Variants in NRXN1 observed in about 807,000 individuals in gnomAD.
NRXN1 encodes the protein neurexin 1.
In NRXN1, 39 loss-of-function variants were observed where a neutral mutation model predicts 150.9. The observed-to-expected ratio is 0.26, with a 90% confidence interval of 0.20 to 0.34. The LOEUF is 0.34. Ranked by LOEUF, NRXN1 falls within the 10% of genes least tolerant of loss-of-function variation. The pLI is 1.00. For synonymous variants in NRXN1, 924 were observed against 757.0 expected (o/e 1.22, Z -3.62); for missense variants, 1,815 against 1,949.9 (o/e 0.93, Z 1.30).
At chr2:50,246,499 AT>A (rs1438306938) in intron 17 of NRXN1, among the ~76,000 whole-genome samples, 2 of 152,068 alleles carry the variant, frequency 1.3e-5, no homozygotes, top group Non-Finnish European at 2.9e-5. Flanking sequence ...AGTTCTACTC[AT>A]TTATCTTCTT....
chr2:50,247,453 C>T (rs997212516), intron 17 of NRXN1, among the ~76,000 whole-genome samples: 1 of 152,136 alleles, frequency 6.6e-6, no homozygotes, highest in Non-Finnish European at 1.5e-5. Context: ...GCTAGCATCA[C>T]CAGTAATGAG....
At chr2:50,847,658 T>G (rs1490412803) in intron 5 of NRXN1, among the ~76,000 whole-genome samples, 1 of 151,940 alleles carries the variant, frequency 6.6e-6, no homozygotes, top group African/African-American at 2.4e-5. Context: ...CTGGATACCC[T>G]GAGGAGCACA....
intron 19 of NRXN1, among the ~76,000 whole-genome samples, chr2:50,073,385 A>C (rs1696590275): frequency 6.6e-6 from 1 of 152,186 alleles, no homozygotes; most frequent in South Asian, 2.1e-4. Context: ...TACTGAATTC[A>C]CTGGGATTAC....
chr2:50,526,109 C>T (rs12713104), intron 12 of NRXN1, among the ~76,000 whole-genome samples: 131,815 of 152,234 alleles, frequency 0.87, 57,520 homozygotes, highest in African/African-American at 0.97. Context: ...GTAAACTTGG[C>T]GGTGGGGTAG....
At chr2:49,960,731 C>G (rs1396794344) in intron 21 of NRXN1, among the ~76,000 whole-genome samples, 2 of 152,162 alleles carry the variant, frequency 1.3e-5, no homozygotes, top group Non-Finnish European at 2.9e-5. Context: ...GCACTGCCAA[C>G]AAAAAGACAT....
intron 21 of NRXN1, among the ~76,000 whole-genome samples, chr2:50,016,174 C>A (rs1686554536): frequency 6.6e-6 from 1 of 151,910 alleles, no homozygotes; most frequent in Non-Finnish European, 1.5e-5. Context: ...TAGGTAAAGT[C>A]CTACCTAGAC....
At chr2:51,030,879 CTTT>C (rs61452371) in intron 1 of NRXN1, among the ~76,000 whole-genome samples, 1 of 147,020 alleles carries the variant, frequency 6.8e-6, no homozygotes, top group Non-Finnish European at 1.5e-5. Flanking sequence ...GTTAGAAAAC[CTTT>C]TTTTTTTTCT....
At chr2:50,524,281 C>G (rs922430997) in intron 12 of NRXN1, among the ~76,000 whole-genome samples, 4 of 151,948 alleles carry the variant, frequency 2.6e-5, no homozygotes, top group South Asian at 2.1e-4. Flanking sequence ...GAGTTCGAGA[C>G]GAGCCCGGCC....
At chr2:50,988,868 G>A (rs1698114645) in intron 2 of NRXN1, among the ~76,000 whole-genome samples, 1 of 151,892 alleles carries the variant, frequency 6.6e-6, no homozygotes, top group South Asian at 2.1e-4. Flanking sequence ...AATAACAACA[G>A]TATCTACTCT....
intron 2 of NRXN1, among the ~76,000 whole-genome samples, chr2:50,984,221 G>A (rs1271421111): frequency 6.9e-6 from 1 of 143,980 alleles, no homozygotes; most frequent in African/African-American, 2.6e-5. Context: ...CTGACCTCAG[G>A]TGATCCACCC....
At chr2:50,950,133 CT>C (rs1691067714) in intron 2 of NRXN1, among the ~76,000 whole-genome samples, 3 of 152,220 alleles carry the variant, frequency 2.0e-5, no homozygotes, top group Middle Eastern at 3.4e-3. Context: ...CCACTTGTTT[CT>C]TTTTTTCCAT....
At chr2:50,153,888 G>A (rs575180267) in intron 18 of NRXN1, among the ~76,000 whole-genome samples, 41 of 151,730 alleles carry the variant, frequency 2.7e-4, no homozygotes, top group Non-Finnish European at 4.9e-4. Flanking sequence ...CAGGTCTCTG[G>A]TATTTGACAC....
Position 50,615,684 on chromosome 2 carries a change from A to C in NRXN1, c.1320+4338T>G, listed in dbSNP as rs78550106. 3.0e-3 allele frequency: 464 copies of C among 152,272 alleles called. 3 individuals carry two copies. Among genetic ancestry groups the C allele is most frequent in the African/African-American group, 0.011 (440 of 41,560 alleles). 9.4% of individuals were successfully genotyped at this position (152,272 alleles called of 1,614,324 possible). On this transcript the variant is annotated intron_variant, in intron 8 of 22. Coordinates refer to ENST00000401669, the MANE Select transcript of NRXN1 (RefSeq NM_001330078.2). ...AAATATATCTAGTGAGCACCTGAAGAATTAACTGTAAGACTTTTCTACAGG... is the reference window on the plus strand; with the variant it reads ...AAATATATCTAGTGAGCACCTGAAGCATTAACTGTAAGACTTTTCTACAGG...
At chr2:50,235,342 A>G (rs2065317752) in intron 18 of NRXN1, among the ~76,000 whole-genome samples, 1 of 152,164 alleles carries the variant, frequency 6.6e-6, no homozygotes, top group East Asian at 1.9e-4. Context: ...ATTTGCTAAA[A>G]GGCACCTGAA....
intron 5 of NRXN1, among the ~76,000 whole-genome samples, chr2:50,657,239 C>G (rs953588296): frequency 5.3e-5 from 8 of 151,946 alleles, no homozygotes; most frequent in African/African-American, 1.9e-4. Flanking sequence ...CCAGACAGTT[C>G]CCTGGATTTT....
At chr2:50,882,931 T>C (rs1202312530) in intron 5 of NRXN1, among the ~76,000 whole-genome samples, 4 of 151,866 alleles carry the variant, frequency 2.6e-5, no homozygotes, top group Non-Finnish European at 5.9e-5. Context: ...AGAAAACATA[T>C]ATATTTTTAT....
intron 21 of NRXN1, 86 bp downstream of exon 21, chr2:50,053,185 C>T: frequency 7.2e-7 from 1 of 1,391,270 alleles, no homozygotes; most frequent in South Asian, 1.2e-5. Flanking sequence ...AAAAATGTTC[C>T]AATTTAGAAA....
At chr2:50,580,283 T>C (rs1271257907) in intron 8 of NRXN1, among the ~76,000 whole-genome samples, 6 of 152,322 alleles carry the variant, frequency 3.9e-5, no homozygotes, top group Non-Finnish European at 7.3e-5. Flanking sequence ...CCGTTGTTTA[T>C]TGCAAGCATC....
At chr2:50,620,447 G>A (rs185250745) in intron 7 of NRXN1, among the ~76,000 whole-genome samples, 2 of 152,218 alleles carry the variant, frequency 1.3e-5, no homozygotes, top group African/African-American at 4.8e-5. Flanking sequence ...TTGAACTAGT[G>A]TCAGCATCAT....
Sources: gnomAD v4.1 joint callset for allele counts (sites outside exome capture counted in the v4.1 genomes callset) on GRCh38, gnomAD v4.1.1 for gene constraint, MANE v1.5 for transcripts, NCBI Gene and HGNC (gene_info 2026-07-23, HGNC 2026-07-21) for gene names.